The following SIPA1L1 variants were observed in gnomAD, a reference collection of about 807,000 sequenced individuals.
SIPA1L1 encodes the protein signal induced proliferation associated 1 like 1, also known as signal-induced proliferation-associated 1-like protein 1.
Under a neutral mutation model 162.7 loss-of-function variants are expected in SIPA1L1, and 26 were observed. That is an observed-to-expected ratio of 0.16 (90% CI 0.12 to 0.22). SIPA1L1 has a LOEUF of 0.22. SIPA1L1 is among the 10% of genes least tolerant of loss of function. The pLI is 1.00. For missense variants in SIPA1L1, 1,874 were observed against 2,241.0 expected (o/e 0.84, Z 3.31); for synonymous variants, 829 against 837.4 (o/e 0.99, Z 0.17).
chr14:71,728,910 T>G (rs1039201589), intron 19 of SIPA1L1, among the ~76,000 whole-genome samples: 1 of 152,240 alleles, frequency 6.6e-6, no homozygotes, highest in African/African-American at 2.4e-5. Context: ...GCTTGCTATT[T>G]GCAGAAAAAA....
chr14:71,320,957 C>T (rs1479235124), intron 1 of SIPA1L1, among the ~76,000 whole-genome samples, 165 bp from the exon 2 acceptor site: 1 of 152,022 alleles, frequency 6.6e-6, no homozygotes, highest in African/African-American at 2.4e-5. Context: ...TCCGGGTCCC[C>T]CTCGGAGCCA....
chr14:71,494,943 C>G (rs1257266694), intron 2 of SIPA1L1, among the ~76,000 whole-genome samples: 1 of 151,968 alleles, frequency 6.6e-6, no homozygotes, highest in Non-Finnish European at 1.5e-5. Context: ...CTGGCTCAGG[C>G]TGATCTTGAA....
intron 3 of SIPA1L1, among the ~76,000 whole-genome samples, chr14:71,527,918 T>C (rs1437291437): frequency 6.6e-6 from 1 of 152,202 alleles, no homozygotes; most frequent in Non-Finnish European, 1.5e-5. Flanking sequence ...CGAGTCTCGC[T>C]CTATCGTCCA....
intron 2 of SIPA1L1, among the ~76,000 whole-genome samples, chr14:71,440,208 G>A (rs1321337987): frequency 6.6e-6 from 1 of 151,890 alleles, no homozygotes; most frequent in East Asian, 1.9e-4. Context: ...TTCTATTTTA[G>A]TAGAGATGGG....
At chr14:71,688,861 A>T (rs182764262) in intron 13 of SIPA1L1, among the ~76,000 whole-genome samples, 163 of 152,310 alleles carry the variant, frequency 1.1e-3, no homozygotes, top group Non-Finnish European at 2.0e-3. Flanking sequence ...TGTTCATTCC[A>T]TTCATTTTTT....
chr14:71,526,074 T>C (rs902180881), intron 3 of SIPA1L1, among the ~76,000 whole-genome samples: 3 of 152,212 alleles, frequency 2.0e-5, no homozygotes, highest in African/African-American at 7.2e-5. Context: ...GGAACTTGCT[T>C]TGTGAGGGCA....
intron 2 of SIPA1L1, among the ~76,000 whole-genome samples, chr14:71,339,366 CTT>C (rs56755864): frequency 1.2e-3 from 177 of 141,974 alleles, no homozygotes; most frequent in Non-Finnish European, 1.3e-3. Flanking sequence ...TTCTTTCTTT[CTT>C]TTTTTTTTTT....
rs1483349435 is a variant in SIPA1L1, at chr14:71,740,254, C to CCT, written c.*1094_*1095dup. 6.6e-6 allele frequency: 1 copy of CCT among 152,150 alleles called. No individual in the cohort carries two copies. Among genetic ancestry groups the CCT allele is most frequent in the African/African-American group, 2.4e-5 (1 of 41,416 alleles). 9.4% of individuals were successfully genotyped at this position (152,150 alleles called of 1,614,324 possible). Reference sequence around the variant, plus strand: ...GTGATACTAGAATGGGCTTTTGAAACCTGCATGTCCCAGTGTGAAATTTCA... The same window carrying CCT: ...GTGATACTAGAATGGGCTTTTGAAACCTCTGCATGTCCCAGTGTGAAATTTCA... On this transcript the variant is annotated 3_prime_UTR_variant, in exon 24 of 24. Coordinates refer to ENST00000381232, the MANE Select transcript of SIPA1L1 (RefSeq NM_001386936.1).
At chr14:71,508,277 G>A (rs938559775) in intron 2 of SIPA1L1, among the ~76,000 whole-genome samples, 1 of 152,140 alleles carries the variant, frequency 6.6e-6, no homozygotes, top group African/African-American at 2.4e-5. Context: ...CTATATACAG[G>A]CTCTTAATTT....
At chr14:71,350,482 TGGCAAAACCTAGTG>T (rs920188071) in intron 2 of SIPA1L1, among the ~76,000 whole-genome samples, 17 of 152,160 alleles carry the variant, frequency 1.1e-4, no homozygotes, top group African/African-American at 4.1e-4. Flanking sequence ...TGCCACCGAT[TGGCAAAACCTAGTG>T]AGGTTTTGCC....
At chr14:71,729,472 TA>T in intron 19 of SIPA1L1, among the ~76,000 whole-genome samples, 1 of 152,340 alleles carries the variant, frequency 6.6e-6, no homozygotes, top group African/African-American at 2.4e-5. Context: ...CTATGTGAGT[TA>T]AAATATTTTG....
intron 4 of SIPA1L1, among the ~76,000 whole-genome samples, chr14:71,532,471 C>A (rs2053537821): frequency 6.6e-6 from 1 of 152,144 alleles, no homozygotes; most frequent in South Asian, 2.1e-4. Flanking sequence ...TGAAATGCTG[C>A]CTTTGTGGGG....
At chr14:71,556,499 C>A (rs915520340) in intron 4 of SIPA1L1, among the ~76,000 whole-genome samples, 1 of 152,232 alleles carries the variant, frequency 6.6e-6, no homozygotes, top group South Asian at 2.1e-4. Flanking sequence ...AGACTTCTGA[C>A]TGACCAACTT....
chr14:71,582,910 A>G (rs2034133973), intron 4 of SIPA1L1, among the ~76,000 whole-genome samples: 1 of 152,232 alleles, frequency 6.6e-6, no homozygotes, highest in Admixed American at 6.5e-5. Context: ...GTTTCAGGCT[A>G]ACTTGAAAGA....
In SIPA1L1 at chr14:71,366,691, C is replaced by T. The variant is rs1284946840; in HGVS notation, c.-465+45510C>T. Among the ~76,000 whole-genome samples, 4 of 152,230 alleles carry T rather than the reference C, an allele frequency of 2.6e-5. No homozygotes were observed. In the East Asian group the frequency reaches 5.8e-4, roughly 22 times the overall value. ...GATCTCGTGATCCACCCGCCTCGGC[C>T]TCCCAAAGTGCTGGGATTACAGGCG... On this transcript the variant is annotated intron_variant, in intron 2 of 23. Coordinates refer to ENST00000381232, the MANE Select transcript of SIPA1L1 (RefSeq NM_001386936.1).
intron 12 of SIPA1L1, among the ~76,000 whole-genome samples, chr14:71,680,562 G>A (rs2045701398): frequency 1.3e-5 from 2 of 152,014 alleles, no homozygotes; most frequent in African/African-American, 4.8e-5. Flanking sequence ...CTAGCAGAAG[G>A]CAAGAAATAA....
chr14:71,416,707 A>C (rs2042785852), intron 2 of SIPA1L1, among the ~76,000 whole-genome samples: 1 of 134,898 alleles, frequency 7.4e-6, no homozygotes, highest in Admixed American at 8.2e-5. Flanking sequence ...ATACTCTAAA[A>C]GAAAGAAAAA....
chr14:71,427,838 T>C (rs1026254086), intron 2 of SIPA1L1, among the ~76,000 whole-genome samples: 2 of 152,136 alleles, frequency 1.3e-5, no homozygotes, highest in African/African-American at 4.8e-5. Flanking sequence ...TTTAGTTCTT[T>C]GTTTATCTTT....
At chr14:71,655,126 T>TC (rs767432658) in intron 8 of SIPA1L1, among the ~76,000 whole-genome samples, 1 of 152,136 alleles carries the variant, frequency 6.6e-6, no homozygotes, top group African/African-American at 2.4e-5. Flanking sequence ...TCAACCTTCC[T>TC]CCCCACTTTT....
Sources: allele counts gnomAD v4.1 joint callset (sites outside exome capture counted in the v4.1 genomes callset), GRCh38; gene constraint gnomAD v4.1.1; transcripts MANE v1.5; gene names NCBI Gene and HGNC (gene_info 2026-07-23, HGNC 2026-07-21).